The following USP34 variants were observed in gnomAD, a reference collection of about 807,000 sequenced individuals.
The protein encoded by USP34 is ubiquitin specific peptidase 34.
Under a neutral mutation model 460.3 loss-of-function variants are expected in USP34, and 70 were observed. The observed-to-expected ratio is 0.15, with a 90% CI of 0.13 to 0.19. The LOEUF (loss-of-function observed/expected upper bound fraction) is 0.19. Among genes scored for constraint, USP34 ranks in the 10% least tolerant of loss-of-function variants. The probability of loss-of-function intolerance (pLI) is 1.00; values close to 1 mark genes in which losing one functional copy is unlikely to be tolerated. For synonymous variants in USP34, 1,647 were observed against 1,405.3 expected (o/e 1.17, Z -3.85); for missense variants, 3,985 against 4,236.2 (o/e 0.94, Z 1.65).
chr2:61,365,189 T>C (rs550533696), intron 10 of USP34, among the ~76,000 whole-genome samples: 12 of 148,248 alleles, frequency 8.1e-5, no homozygotes, highest in African/African-American at 3.0e-4. Flanking sequence ...GAGGGAGAGG[T>C]TGCAGTAAGC....
At chr2:61,262,126 T>G (rs200338762) in intron 43 of USP34, among the ~76,000 whole-genome samples, 27 of 126,730 alleles carry the variant, frequency 2.1e-4, no homozygotes, top group East Asian at 6.7e-4. Flanking sequence ...AATATATATA[T>G]ATATATAGAT....
At chr2:61,315,215 C>T (rs3765051) in intron 23 of USP34, among the ~76,000 whole-genome samples, 1 of 151,948 alleles carries the variant, frequency 6.6e-6, no homozygotes, top group Non-Finnish European at 1.5e-5. Context: ...CTACATAGTA[C>T]GAAAATTCTA....
At chr2:61,383,196 T>C (rs1693026639) in intron 6 of USP34, 73 bp downstream of exon 6, 3 of 1,139,378 alleles carry the variant, frequency 2.6e-6, no homozygotes, top group Non-Finnish European at 3.7e-6. Flanking sequence ...TTTCAAACAA[T>C]ATAATTCTAT....
chr2:61,387,372 G>C (rs569324043), intron 5 of USP34, among the ~76,000 whole-genome samples: 2 of 152,012 alleles, frequency 1.3e-5, no homozygotes, highest in East Asian at 3.9e-4. Context: ...AGCTGAGGCA[G>C]GAGAATCGCT....
intron 53 of USP34, among the ~76,000 whole-genome samples, chr2:61,238,438 C>T (rs1688136239): frequency 6.6e-6 from 1 of 152,190 alleles, no homozygotes; most frequent in South Asian, 2.1e-4. Flanking sequence ...TGACCCTTTT[C>T]TAGCAATCAC....
chr2:61,421,991 G>GTT (rs1694375913), intron 1 of USP34, among the ~76,000 whole-genome samples: 3 of 152,138 alleles, frequency 2.0e-5, no homozygotes, highest in Admixed American at 2.0e-4. Flanking sequence ...AGGAAACGGC[G>GTT]TAAGGCCAAA....
At chr2:61,433,421 G>C (rs1175128495) in intron 1 of USP34, among the ~76,000 whole-genome samples, 1 of 152,046 alleles carries the variant, frequency 6.6e-6, no homozygotes, top group Non-Finnish European at 1.5e-5. Flanking sequence ...ATCACTTGAG[G>C]TCATGAGTTC....
At chr2:61,257,683 G>C (rs1183223579) in intron 44 of USP34, among the ~76,000 whole-genome samples, 1 of 152,078 alleles carries the variant, frequency 6.6e-6, no homozygotes, top group Non-Finnish European at 1.5e-5. Flanking sequence ...CGGATTATGA[G>C]GTCAAGAGAT....
chr2:61,438,725 A>T (rs1404271073), intron 1 of USP34, among the ~76,000 whole-genome samples: 1 of 152,230 alleles, frequency 6.6e-6, no homozygotes, highest in Non-Finnish European at 1.5e-5. Flanking sequence ...ACTCAACAAG[A>T]GAAAGATAAA....
chr2:61,274,694 C>T (rs529827819), intron 41 of USP34, among the ~76,000 whole-genome samples: 23 of 152,208 alleles, frequency 1.5e-4, no homozygotes, highest in African/African-American at 5.3e-4. Flanking sequence ...ATTATCTAAA[C>T]GTATAGTATG....
At chr2:61,415,579 G>A (rs1339657619) in intron 2 of USP34, among the ~76,000 whole-genome samples, 3 of 152,176 alleles carry the variant, frequency 2.0e-5, no homozygotes, top group Non-Finnish European at 4.4e-5. Context: ...AATATAAGAA[G>A]AGTGTTTCAG....
intron 16 of USP34, among the ~76,000 whole-genome samples, chr2:61,342,920 G>A (rs1691650918): frequency 1.3e-5 from 2 of 152,162 alleles, no homozygotes; most frequent in South Asian, 2.1e-4. Context: ...TCAGTCAGAT[G>A]ACCTCAATCT....
At chr2:61,349,599 A>C (rs113275466) in intron 12 of USP34, among the ~76,000 whole-genome samples, 2,256 of 152,214 alleles carry the variant, frequency 0.015, 66 homozygotes, top group African/African-American at 0.051. Flanking sequence ...CCAGCATTTT[A>C]GGAGGCCAAG....
intron 30 of USP34, among the ~76,000 whole-genome samples, chr2:61,295,534 AT>A (rs1689998414): frequency 6.6e-6 from 1 of 152,248 alleles, no homozygotes; most frequent in African/African-American, 2.4e-5. Context: ...TGGGAAAATA[AT>A]TAACTGTTAA....
At chr2:61,205,834 GGTAAT>G (rs1687103878) in intron 72 of USP34, among the ~76,000 whole-genome samples, 178 bp downstream of exon 72, 1 of 152,132 alleles carries the variant, frequency 6.6e-6, no homozygotes, top group Non-Finnish European at 1.5e-5. Flanking sequence ...TTATCATGTG[GGTAAT>G]GTAATTATGA....
At chr2:61,374,117 T>C (rs145973163) in intron 8 of USP34, among the ~76,000 whole-genome samples, 4,197 of 149,600 alleles carry the variant, frequency 0.028, 204 homozygotes, top group African/African-American at 0.099. Flanking sequence ...GATCGTGCCA[T>C]TGCACTTCAG....
At chr2:61,453,650 C>T (rs1695347787) in intron 1 of USP34, among the ~76,000 whole-genome samples, 1 of 145,044 alleles carries the variant, frequency 6.9e-6, no homozygotes, top group African/African-American at 2.6e-5. Context: ...GCGCAGGTTG[C>T]ACTGAGCCAA....
Position 61,228,939 on chromosome 2 carries a change from C to T in USP34, c.7256G>A (p.Arg2419His), listed in dbSNP as rs763270348. The T allele has an allele frequency of 1.2e-5, 20 of 1,609,554 alleles. No individual in the cohort carries two copies. The highest frequency in any genetic ancestry group is 8.4e-5 in the Admixed American group (5 of 59,310). ...EDIGGRSCVT[R>H]FVRTLLLIME... is the part of the protein sequence containing the mutation. ...AATTAATAACAGGGTTCTCACAAAG[C>T]GAGTGACACATGAACGACCACCAAT... The change falls in exon 60 of 80, where the codon CGC (arginine) becomes CAC (histidine). Residue 2419 changes from arginine to histidine, a missense_variant. Coordinates refer to ENST00000398571, the MANE Select transcript of USP34 (RefSeq NM_014709.4).
intron 27 of USP34, among the ~76,000 whole-genome samples, chr2:61,302,182 A>G (rs1690248142): frequency 6.6e-6 from 1 of 152,198 alleles, no homozygotes; most frequent in Non-Finnish European, 1.5e-5. Context: ...TAAATGTCTG[A>G]TGAATAATTT....
Sources: allele counts gnomAD v4.1 joint callset (sites outside exome capture counted in the v4.1 genomes callset), GRCh38; gene constraint gnomAD v4.1.1; transcripts MANE v1.5; gene names NCBI Gene and HGNC (gene_info 2026-07-23, HGNC 2026-07-21).